MMP26: variants seen among roughly 807,000 people sequenced by gnomAD.
The protein encoded by MMP26 is matrix metallopeptidase 26.
In MMP26, 33 loss-of-function variants were observed where a neutral mutation model predicts 31.0. That is an observed-to-expected ratio of 1.06 (90% CI 0.81 to 1.42). The LOEUF is 1.42. Among genes scored for constraint, MMP26 ranks in the 40% most tolerant of loss-of-function variants. The pLI is 0.00. For synonymous variants in MMP26, 122 were observed against 114.9 expected (o/e 1.06, Z -0.40); for missense variants, 347 against 316.1 (o/e 1.10, Z -0.74).
chr11:4,960,118 G>T (rs1474239607), intron 2 of MMP26, among the ~76,000 whole-genome samples: 1 of 133,314 alleles, frequency 7.5e-6, no homozygotes. Context: ...TATATTCTCA[G>T]CAAAATAAAA....
At chr11:4,884,068 T>C (rs953323077) in intron 2 of MMP26, among the ~76,000 whole-genome samples, 1 of 152,086 alleles carries the variant, frequency 6.6e-6, no homozygotes, top group Non-Finnish European at 1.5e-5. Flanking sequence ...GACAACTTTG[T>C]GATTTTGCTT....
intron 1 of MMP26, among the ~76,000 whole-genome samples, chr11:4,713,249 C>G (rs756531544): frequency 1.3e-5 from 2 of 152,198 alleles, no homozygotes; most frequent in South Asian, 2.1e-4. Flanking sequence ...AAGTTCCATG[C>G]TGTGTTATTT....
chr11:4,714,918 T>TCA (rs1404204139), intron 1 of MMP26, among the ~76,000 whole-genome samples: 84 of 130,334 alleles, frequency 6.4e-4, no homozygotes, highest in South Asian at 5.1e-3. Flanking sequence ...TCTCTCTCTC[T>TCA]CTCACACACA....
chr11:4,765,723 C>A (rs1194566576), intron 1 of MMP26, among the ~76,000 whole-genome samples: 1 of 152,200 alleles, frequency 6.6e-6, no homozygotes. Flanking sequence ...AGAGCTACCA[C>A]TCAGCTTCTT....
chr11:4,989,901 T>C, intron 4 of MMP26, 33 bp downstream of exon 4: 1 of 1,558,820 alleles, frequency 6.4e-7, no homozygotes, highest in Non-Finnish European at 8.7e-7. Context: ...GGATAATGTG[T>C]GGGGTGATGA....
At chr11:4,741,656 G>T (rs1001974308) in intron 1 of MMP26, among the ~76,000 whole-genome samples, 1 of 151,318 alleles carries the variant, frequency 6.6e-6, no homozygotes, top group Non-Finnish European at 1.5e-5. Context: ...GGGGGTGGGT[G>T]GGGGAGGGGA....
chr11:4,859,788 A>G, intron 2 of MMP26: 1 of 471,420 alleles, frequency 2.1e-6, no homozygotes, highest in Non-Finnish European at 4.4e-6. Context: ...TGGAGGCAGC[A>G]CCCATAAAAG....
intron 2 of MMP26, among the ~76,000 whole-genome samples, chr11:4,849,833 T>C (rs980312949): frequency 2.0e-5 from 3 of 152,206 alleles, no homozygotes; most frequent in African/African-American, 7.2e-5. Flanking sequence ...GATTTATACA[T>C]GGGTATTTAA....
At chr11:4,844,602 T>C (rs1352230064) in intron 2 of MMP26, among the ~76,000 whole-genome samples, 2 of 152,114 alleles carry the variant, frequency 1.3e-5, no homozygotes, top group African/African-American at 4.8e-5. Context: ...ACAAGAATGG[T>C]TCAACATATG....
At chr11:4,896,372 A>G (rs1327577013) in intron 2 of MMP26, among the ~76,000 whole-genome samples, 1 of 152,162 alleles carries the variant, frequency 6.6e-6, no homozygotes, top group Non-Finnish European at 1.5e-5. Flanking sequence ...ATGGGACACC[A>G]ATCCCTCCAG....
At chr11:4,991,233 A>G (rs1303486286) in intron 5 of MMP26, 138 bp from the exon 6 acceptor site, 2 of 1,095,466 alleles carry the variant, frequency 1.8e-6, no homozygotes, top group East Asian at 2.5e-5. Context: ...CTCTGCATAG[A>G]TAATGCCTTA....
intron 2 of MMP26, chr11:4,915,332 C>T (rs367565540): frequency 6.2e-7 from 1 of 1,613,874 alleles, no homozygotes; most frequent in African/African-American, 1.3e-5. Context: ...GAAGGAGAAG[C>T]AGTGAATGAA....
At chr11:4,859,564 C>T in intron 2 of MMP26, 1 of 373,264 alleles carries the variant, frequency 2.7e-6, no homozygotes, top group South Asian at 2.1e-5. Context: ...ATAATTAATT[C>T]TTCCAGTGGA....
chr11:4,849,305 C>T lies in MMP26; in HGVS notation c.-145+81964C>T, dbSNP rs949943639. ...TTTGCATGAAACGTTCCAAAATAGC[C>T]TGCATCTTCCCTTCCCTGACTCATG... On this transcript the variant is annotated intron_variant, in intron 2 of 7. Transcript: ENST00000380390. 7 of 1,325,268 alleles carry T rather than the reference C, an allele frequency of 5.3e-6. No homozygotes were observed. In the East Asian group the frequency reaches 1.2e-4, roughly 22 times the overall value. The allele number at this position is 1,325,268 out of a possible 1,614,324, so 82.1% of individuals were successfully genotyped here.
intron 2 of MMP26, among the ~76,000 whole-genome samples, chr11:4,782,252 T>A (rs1006312395): frequency 6.6e-6 from 1 of 152,176 alleles, no homozygotes; most frequent in Non-Finnish European, 1.5e-5. Context: ...ATGCTGATAA[T>A]GATACGGACA....
intron 2 of MMP26, among the ~76,000 whole-genome samples, chr11:4,936,490 A>C (rs1323918963): frequency 6.6e-6 from 1 of 152,142 alleles, no homozygotes; most frequent in Non-Finnish European, 1.5e-5. Context: ...AGAAGTTTAA[A>C]AGTCTATTTA....
At chr11:4,950,522 G>A (rs572398401) in intron 2 of MMP26, among the ~76,000 whole-genome samples, 6 of 119,298 alleles carry the variant, frequency 5.0e-5, no homozygotes, top group African/African-American at 1.7e-4. Context: ...CTAGATGATG[G>A]GGATGGGGGG....
intron 2 of MMP26, among the ~76,000 whole-genome samples, chr11:4,887,801 T>G (rs1850564331): frequency 6.6e-6 from 1 of 152,128 alleles, no homozygotes; most frequent in Non-Finnish European, 1.5e-5. Flanking sequence ...ATTAATGCAA[T>G]TCCTCTGAGG....
rs919015772 is a variant in MMP26, at chr11:4,831,747, C to T, written c.-145+64406C>T. On this transcript the variant is annotated intron_variant, in intron 2 of 7. Transcript: ENST00000380390. ...GTTTGTGTGAGTACATGACCATTGACCACATGCGTGATAGTAGATTATAAC... is the reference window on the plus strand; with the variant it reads ...GTTTGTGTGAGTACATGACCATTGATCACATGCGTGATAGTAGATTATAAC... Among the ~76,000 whole-genome samples the T allele has an allele frequency of 1.4e-4, 21 of 152,188 alleles. No homozygotes were observed. In the East Asian group the frequency reaches 3.9e-3, roughly 28 times the overall value.
Sources: allele counts gnomAD v4.1 joint callset (sites outside exome capture counted in the v4.1 genomes callset), GRCh38; gene constraint gnomAD v4.1.1; transcripts MANE v1.5; gene names NCBI Gene and HGNC (gene_info 2026-07-23, HGNC 2026-07-21).